The following CEP85L variants were observed in gnomAD, a reference collection of about 807,000 sequenced individuals.
CEP85L encodes centrosomal protein of 85 kDa-like.
In CEP85L, 60 loss-of-function variants were observed where a neutral mutation model predicts 100.3. That is an observed-to-expected ratio of 0.60 (90% CI 0.49 to 0.74). The LOEUF (loss-of-function observed/expected upper bound fraction) is 0.74. CEP85L is among the 30% of genes least tolerant of loss of function. The probability of loss-of-function intolerance (pLI) is 0.00; values close to 1 mark genes in which losing one functional copy is unlikely to be tolerated. For synonymous variants in CEP85L, 319 were observed against 322.7 expected, an observed-to-expected ratio of 0.99 and a Z score of 0.12; for missense variants, 973 against 936.2, an observed-to-expected ratio of 1.04 and a Z score of -0.51.
At chr6:118,543,690 A>G (rs1778036731) in intron 3 of CEP85L, among the ~76,000 whole-genome samples, 1 of 152,250 alleles carries the variant, frequency 6.6e-6, no homozygotes. Flanking sequence ...AAGAAATAAC[A>G]TATAATGGCA....
chr6:118,643,146 A>G (rs1774982635), intron 1 of CEP85L, among the ~76,000 whole-genome samples: 1 of 152,244 alleles, frequency 6.6e-6, no homozygotes, highest in Non-Finnish European at 1.5e-5. Flanking sequence ...GTCTTAAAAT[A>G]TTACAAAATA....
chr6:118,477,127 C>T (rs1773444569), intron 10 of CEP85L, among the ~76,000 whole-genome samples: 1 of 151,994 alleles, frequency 6.6e-6, no homozygotes, highest in Admixed American at 6.6e-5. Flanking sequence ...GGAGAAGCAG[C>T]CAGGCTAGCT....
At chr6:118,561,301 T>G (rs1263738272) in intron 3 of CEP85L, among the ~76,000 whole-genome samples, 2 of 152,202 alleles carry the variant, frequency 1.3e-5, no homozygotes, top group Non-Finnish European at 2.9e-5. Context: ...GTGGAAAATT[T>G]GAACTGATTA....
intron 1 of CEP85L, among the ~76,000 whole-genome samples, chr6:118,662,180 T>A (rs1385604326): frequency 6.6e-6 from 1 of 152,214 alleles, no homozygotes; most frequent in East Asian, 1.9e-4. Context: ...GTGAGCACTG[T>A]GCCAAGAATT....
chr6:118,543,531 A>T (rs1014550049), intron 3 of CEP85L, among the ~76,000 whole-genome samples: 27 of 152,322 alleles, frequency 1.8e-4, no homozygotes, highest in African/African-American at 5.8e-4. Context: ...CTTCAGATTT[A>T]TCTGACTTTT....
intron 2 of CEP85L, among the ~76,000 whole-genome samples, chr6:118,621,014 T>C (rs992105148): frequency 2.6e-5 from 4 of 152,138 alleles, no homozygotes; most frequent in African/African-American, 9.7e-5. Context: ...GTCTGGGCAA[T>C]GGAAGGACAA....
chr6:118,514,791 A>C (rs1776173735), intron 4 of CEP85L, among the ~76,000 whole-genome samples: 1 of 152,012 alleles, frequency 6.6e-6, no homozygotes, highest in Admixed American at 6.6e-5. Flanking sequence ...TATTAATATT[A>C]GTAGAAGCAG....
chr6:118,645,474 C>T (rs1323006170), intron 1 of CEP85L, among the ~76,000 whole-genome samples: 5 of 152,282 alleles, frequency 3.3e-5, no homozygotes, highest in Non-Finnish European at 1.5e-5. Flanking sequence ...AAGTTCAAGA[C>T]CAGCCTGGGT....
chr6:118,565,429 C>A, intron 3 of CEP85L, 100 bp downstream of exon 3: 1 of 1,182,712 alleles, frequency 8.5e-7, no homozygotes, highest in Non-Finnish European at 1.2e-6. Context: ...AAAGGAAATG[C>A]AAAACAATCT....
chr6:118,506,459 A>G (rs187351678), intron 5 of CEP85L, among the ~76,000 whole-genome samples: 2 of 152,306 alleles, frequency 1.3e-5, no homozygotes, highest in Admixed American at 6.5e-5. Flanking sequence ...AAGGAAGAGC[A>G]CCCAAAGGGC....
chr6:118,590,803 A>C (rs958913929), intron 2 of CEP85L, among the ~76,000 whole-genome samples: 2 of 152,270 alleles, frequency 1.3e-5, no homozygotes, highest in Non-Finnish European at 2.9e-5. Flanking sequence ...CTCTCCCCAG[A>C]TGTGACTACT....
rs1779446872 is a variant in CEP85L, at chr6:118,565,510, A to G, written c.1020+19T>C. ...TAACATCCACTGGAGGGAAGCAAAC[A>G]CTAGATTTTGCACCTTACCTGCATT... On this transcript the variant is annotated intron_variant, in intron 3 of 12. Transcript: ENST00000368491. The G allele has an allele frequency of 6.2e-7, 1 of 1,611,528 alleles. No homozygotes were observed. Among genetic ancestry groups the G allele is most frequent in the Admixed American group, 1.7e-5 (1 of 59,968 alleles).
intron 7 of CEP85L, among the ~76,000 whole-genome samples, chr6:118,482,661 A>G (rs1202085099): frequency 6.6e-6 from 1 of 152,210 alleles, no homozygotes; most frequent in African/African-American, 2.4e-5. Flanking sequence ...CATTATAAAC[A>G]TGGGTGTACA....
rs1174106576 is a variant in CEP85L, at chr6:118,564,460, ATTC to A, written c.1020+1066_1020+1068del. ...ACAAATTTCTAATTCAATCATAATG[ATTC>A]TTCTGTTTTGATTGTGTTGTTTAAA... is the stretch of plus-strand genomic sequence containing the variant. On this transcript the variant is annotated intron_variant, in intron 3 of 12. Transcript: ENST00000368491. Among the ~76,000 whole-genome samples, 13 of 152,342 alleles carry A rather than the reference ATTC, an allele frequency of 8.5e-5. No homozygotes were observed. In the East Asian group the frequency reaches 2.5e-3, roughly 29 times the overall value.
At chr6:118,536,437 T>C (rs772920072) in intron 3 of CEP85L, among the ~76,000 whole-genome samples, 22 of 152,186 alleles carry the variant, frequency 1.4e-4, no homozygotes, top group Non-Finnish European at 3.1e-4. Context: ...TAAAGATTAA[T>C]ATTCCTATGT....
chr6:118,566,039 C>G lies in CEP85L; in HGVS notation c.510G>C (p.Gln170His). 1 of 1,614,208 alleles carries G rather than the reference C, an allele frequency of 6.2e-7. No individual in the cohort carries two copies. The highest frequency in any genetic ancestry group is 1.7e-5 in the Admixed American group (1 of 60,022). The change falls in exon 3 of 13, where the codon CAG becomes CAC. Residue 170 changes from glutamine to histidine, a missense_variant. Transcript: ENST00000368491. ...ACTCTTCTCTGCATACAGTGCCACCCTGGCCACAGTTATCCGGGGCAGTGA... is the reference window on the plus strand; with the variant it reads ...ACTCTTCTCTGCATACAGTGCCACCGTGGCCACAGTTATCCGGGGCAGTGA... The part of the protein sequence containing the change: ...SKLTAPDNCG[Q>H]GGTVCREESR...
rs1424851463 is a variant in CEP85L at position 118,651,276 on chromosome 6, C to T, written c.-7G>A. The T allele has an allele frequency of 1.3e-6, 2 of 1,485,146 alleles. No homozygotes were observed. The highest frequency in any genetic ancestry group is 2.9e-5 in the East Asian group (1 of 34,756). The allele number at this position is 1,485,146 out of a possible 1,614,324, so 92.0% of individuals were successfully genotyped here. On this transcript the variant is annotated 5_prime_UTR_variant, in exon 1 of 13. Coordinates refer to ENST00000368491, the MANE Select transcript of CEP85L (RefSeq NM_001042475.3). ...CCAGGAAGCGCCCCCACATCGCGGG[C>T]GAGAGGGCCGGGTGGGCCAGGGACG...
intron 2 of CEP85L, among the ~76,000 whole-genome samples, chr6:118,573,629 C>T (rs993519151): frequency 6.6e-6 from 1 of 152,096 alleles, no homozygotes; most frequent in Non-Finnish European, 1.5e-5. Context: ...GGTATTCCAA[C>T]GTTTTATAGT....
intron 5 of CEP85L, chr6:118,501,709 C>G (rs966666804): frequency 4.3e-6 from 3 of 699,688 alleles, no homozygotes; most frequent in Admixed American, 3.9e-5. Context: ...AAATTCAGAG[C>G]CTGAAGCAGA....
Sources: gnomAD v4.1 joint callset for allele counts (sites outside exome capture counted in the v4.1 genomes callset) on GRCh38, gnomAD v4.1.1 for gene constraint, MANE v1.5 for transcripts, NCBI Gene and HGNC (gene_info 2026-07-23, HGNC 2026-07-21) for gene names.